The following ATRNL1 variants were observed in gnomAD, a reference collection of about 807,000 sequenced individuals.
The protein encoded by ATRNL1 is attractin-like protein 1.
In ATRNL1, 95 loss-of-function variants were observed where a neutral mutation model predicts 182.7. The ratio of observed to expected loss-of-function variants is 0.52; its 90% CI spans 0.44 to 0.62. The LOEUF is 0.62. Ranked by LOEUF, ATRNL1 falls within the 20% of genes least tolerant of loss-of-function variation. ATRNL1 has a pLI of 0.00. For synonymous variants in ATRNL1, 576 were observed against 568.3 expected (o/e 1.01, Z -0.19); for missense variants, 1,471 against 1,679.5 (o/e 0.88, Z 2.17).
intron 19 of ATRNL1, among the ~76,000 whole-genome samples, chr10:115,382,682 C>A (rs1372288090): frequency 4.5e-5 from 6 of 132,544 alleles, no homozygotes; most frequent in Non-Finnish European, 9.6e-5. Context: ...ACTTTTAATT[C>A]TGTTCTTTGC....
At chr10:115,296,674 T>A (rs1853208793) in intron 15 of ATRNL1, among the ~76,000 whole-genome samples, 1 of 151,896 alleles carries the variant, frequency 6.6e-6, no homozygotes. Context: ...TGGTACTTCT[T>A]GGCCTTAAGT....
chr10:115,432,370 A>C (rs1000100570), intron 21 of ATRNL1, among the ~76,000 whole-genome samples: 1 of 152,124 alleles, frequency 6.6e-6, no homozygotes, highest in Non-Finnish European at 1.5e-5. Flanking sequence ...TCTTTTAGAA[A>C]TATCAGAAGC....
rs953385772 is a variant in ATRNL1, at chr10:115,589,640, G to T, written c.3795+40104G>T. 2.6e-5 allele frequency among the ~76,000 whole-genome samples: 4 copies of T among 152,118 alleles called. No individual in the cohort carries two copies. The East Asian group carries it at 7.7e-4, about 29-fold the overall frequency. On this transcript the variant is annotated intron_variant, in intron 26 of 28. Coordinates refer to ENST00000355044, the MANE Select transcript of ATRNL1 (RefSeq NM_207303.4). ...GATATATTTTCTTGGCCTAGATCAT[G>T]ATACATACTTATGTCTGTCTTTTTA...
At chr10:115,861,441 AGC>A (rs1486824575) in intron 28 of ATRNL1, among the ~76,000 whole-genome samples, 1 of 152,182 alleles carries the variant, frequency 6.6e-6, no homozygotes, top group Non-Finnish European at 1.5e-5. Flanking sequence ...CCAACTCTTA[AGC>A]TAGCTGTAAA....
intron 8 of ATRNL1, among the ~76,000 whole-genome samples, chr10:115,192,436 T>C (rs1848203610): frequency 1.3e-5 from 2 of 152,130 alleles, no homozygotes; most frequent in Admixed American, 1.3e-4. Flanking sequence ...GGAGTCTCTA[T>C]TCTGTTGCAT....
At chr10:115,735,472 T>C (rs1329813812) in intron 27 of ATRNL1, among the ~76,000 whole-genome samples, 2 of 151,936 alleles carry the variant, frequency 1.3e-5, no homozygotes, top group Non-Finnish European at 2.9e-5. Context: ...GCCTGAAATA[T>C]GGGATAGTAC....
chr10:115,739,613 G>A (rs1403147513), intron 27 of ATRNL1, among the ~76,000 whole-genome samples: 3 of 152,156 alleles, frequency 2.0e-5, no homozygotes, highest in Non-Finnish European at 4.4e-5. Flanking sequence ...TCATTCCTAT[G>A]TATGTTAAAA....
chr10:115,293,811 T>G (rs1183167224), intron 15 of ATRNL1, among the ~76,000 whole-genome samples: 1 of 152,224 alleles, frequency 6.6e-6, no homozygotes, highest in African/African-American at 2.4e-5. Flanking sequence ...CTTTATGGTT[T>G]CTGCTAAGAA....
At chr10:115,311,183 A>G (rs1314882870) in intron 17 of ATRNL1, among the ~76,000 whole-genome samples, 1 of 118,340 alleles carries the variant, frequency 8.5e-6, no homozygotes, top group African/African-American at 3.0e-5. Flanking sequence ...ACTTGATATG[A>G]TTTAGATTTT....
intron 24 of ATRNL1, among the ~76,000 whole-genome samples, chr10:115,471,153 A>T (rs1479881551): frequency 6.6e-6 from 1 of 150,692 alleles, no homozygotes; most frequent in African/African-American, 2.4e-5. Flanking sequence ...ATAATATTCC[A>T]TTGTTATGTG....
chr10:115,389,240 C>T (rs1256846497), intron 19 of ATRNL1, among the ~76,000 whole-genome samples: 1 of 151,908 alleles, frequency 6.6e-6, no homozygotes, highest in Non-Finnish European at 1.5e-5. Flanking sequence ...GGTGCGGTGG[C>T]TCACACCTAT....
At chr10:115,796,683 T>C (rs1259093474) in intron 27 of ATRNL1, among the ~76,000 whole-genome samples, 1 of 152,208 alleles carries the variant, frequency 6.6e-6, no homozygotes. Context: ...AGTCAAACCC[T>C]TTGAGCATTA....
Position 115,171,293 on chromosome 10 carries a change from G to A in ATRNL1, c.1348+1G>A. ...AGCAGCATACAGGAATACCATATCTGTGAGTTACTTAAAAATTGTAATTTC... is the reference window on the plus strand; with the variant it reads ...AGCAGCATACAGGAATACCATATCTATGAGTTACTTAAAAATTGTAATTTC... On this transcript the variant is annotated splice_donor_variant, in intron 8 of 28. Coordinates refer to ENST00000355044, the MANE Select transcript of ATRNL1 (RefSeq NM_207303.4). LOFTEE classifies it high-confidence loss of function. 1 of 1,548,660 alleles carries A rather than the reference G, an allele frequency of 6.5e-7. No individual in the cohort carries two copies. The highest frequency in any genetic ancestry group is 8.8e-7 in the Non-Finnish European group (1 of 1,138,502).
intron 28 of ATRNL1, among the ~76,000 whole-genome samples, chr10:115,892,958 C>A (rs1353452544): frequency 2.6e-5 from 4 of 152,134 alleles, no homozygotes; most frequent in African/African-American, 9.7e-5. Context: ...AGACAAGTTG[C>A]TTTTAAAAAT....
intron 19 of ATRNL1, among the ~76,000 whole-genome samples, chr10:115,382,516 T>C (rs1554951475): frequency 1.3e-5 from 2 of 152,034 alleles, no homozygotes; most frequent in African/African-American, 4.8e-5. Context: ...AATAGACTTT[T>C]ATACATTGAT....
At chr10:115,269,482 G>A (rs782540637) in intron 13 of ATRNL1, among the ~76,000 whole-genome samples, 29 of 151,872 alleles carry the variant, frequency 1.9e-4, no homozygotes, top group Non-Finnish European at 3.8e-4. Flanking sequence ...TTATAGGCAG[G>A]CACCACCATG....
intron 26 of ATRNL1, among the ~76,000 whole-genome samples, chr10:115,645,769 A>C (rs2133867774): frequency 6.6e-6 from 1 of 152,140 alleles, no homozygotes; most frequent in African/African-American, 2.4e-5. Context: ...GAATGGAGTT[A>C]GTCTGGAGCT....
intron 25 of ATRNL1, among the ~76,000 whole-genome samples, chr10:115,525,051 C>T (rs1851139337): frequency 1.3e-5 from 2 of 152,094 alleles, no homozygotes; most frequent in Admixed American, 6.6e-5. Flanking sequence ...CAGGGACCTT[C>T]CTTCTATGGA....
intron 27 of ATRNL1, among the ~76,000 whole-genome samples, chr10:115,732,324 C>A (rs1555063233): frequency 6.6e-6 from 1 of 152,116 alleles, no homozygotes; most frequent in Non-Finnish European, 1.5e-5. Context: ...CAATATTATT[C>A]TACCAATCTA....
Sources: allele counts gnomAD v4.1 joint callset (sites outside exome capture counted in the v4.1 genomes callset), GRCh38; gene constraint gnomAD v4.1.1; transcripts MANE v1.5; gene names NCBI Gene and HGNC (gene_info 2026-07-23, HGNC 2026-07-21).